Variants in AKAP6 observed in about 807,000 individuals in gnomAD.
The protein encoded by AKAP6 is A-kinase anchor protein 6.
Under a neutral mutation model 188.5 loss-of-function variants are expected in AKAP6, and 58 were observed. That is an observed-to-expected ratio of 0.31 (90% CI 0.25 to 0.38). The LOEUF (loss-of-function observed/expected upper bound fraction) is 0.38. Ranked by LOEUF, AKAP6 falls within the 10% of genes least tolerant of loss-of-function variation. The pLI is 1.00. For synonymous variants in AKAP6, 989 were observed against 998.6 expected, an observed-to-expected ratio of 0.99 and a Z score of 0.18; for missense variants, 2,710 against 2,740.0, an observed-to-expected ratio of 0.99 and a Z score of 0.24.
At chr14:32,751,544 T>G (rs935340144) in intron 11 of AKAP6, among the ~76,000 whole-genome samples, 4 of 150,524 alleles carry the variant, frequency 2.7e-5, no homozygotes, top group Non-Finnish European at 4.4e-5. Context: ...CCTAAATGAT[T>G]TTGAAAATCC....
intron 4 of AKAP6, among the ~76,000 whole-genome samples, chr14:32,559,287 G>A (rs914764306): frequency 1.3e-5 from 2 of 152,128 alleles, no homozygotes; most frequent in Non-Finnish European, 2.9e-5. Flanking sequence ...TGGAAGATAT[G>A]TGACATGTCT....
At chr14:32,656,361 A>G (rs2139554561) in intron 7 of AKAP6, among the ~76,000 whole-genome samples, 1 of 152,306 alleles carries the variant, frequency 6.6e-6, no homozygotes, top group East Asian at 1.9e-4. Flanking sequence ...GAGATTAGGT[A>G]CAGAGTATTT....
chr14:32,389,432 T>G (rs1311243717), intron 1 of AKAP6, among the ~76,000 whole-genome samples: 2 of 152,092 alleles, frequency 1.3e-5, no homozygotes, highest in African/African-American at 2.4e-5. Context: ...TATTTTTGTT[T>G]TATAGGTCCT....
chr14:32,786,040 A>G (rs2033390245), intron 12 of AKAP6, among the ~76,000 whole-genome samples: 1 of 152,134 alleles, frequency 6.6e-6, no homozygotes, highest in Admixed American at 6.6e-5. Flanking sequence ...TTCTGGGGTC[A>G]TTTCTAACAA....
rs143376017 is a variant in AKAP6 at position 32,586,561 on chromosome 14, A to G, written c.2469+9319A>G. On this transcript the variant is annotated intron_variant, in intron 5 of 13. Transcript: ENST00000280979. The stretch of plus-strand genomic sequence containing the variant: ...AGAATTTCTTGAACCCGGAAGGCAG[A>G]GGTTGCAGAGGTTGAGCTGAGATTG... Among the ~76,000 whole-genome samples, 3 of 152,286 alleles carry G rather than the reference A, an allele frequency of 2.0e-5. No individual in the cohort carries two copies. In the East Asian group the frequency reaches 5.8e-4, roughly 29 times the overall value.
chr14:32,821,793 A>G lies in AKAP6; in HGVS notation c.3980A>G (p.Asp1327Gly). ...PNVLTKSLSK[D>G]SSFSSTKSLP... Reference sequence around the variant, plus strand: ...GTTTTAACTAAGAGTCTCAGTAAAGACTCTTCATTTTCATCTACCAAATCT... The same window carrying G: ...GTTTTAACTAAGAGTCTCAGTAAAGGCTCTTCATTTTCATCTACCAAATCT... Residue 1327 changes from aspartate to glycine, a missense_variant, in exon 13 of 14, where the codon GAC becomes GGC. Transcript: ENST00000280979. The G allele has an allele frequency of 2.5e-6, 4 of 1,613,428 alleles. No individual in the cohort carries two copies. The highest frequency in any genetic ancestry group is 2.5e-6 in the Non-Finnish European group (3 of 1,179,830).
chr14:32,522,492 G>T (rs1472844613), intron 2 of AKAP6, among the ~76,000 whole-genome samples: 1 of 151,880 alleles, frequency 6.6e-6, no homozygotes, highest in Non-Finnish European at 1.5e-5. Context: ...AAACTTACAA[G>T]AAAAAATCAA....
intron 1 of AKAP6, among the ~76,000 whole-genome samples, chr14:32,428,157 A>G (rs1594603266): frequency 6.6e-6 from 1 of 152,056 alleles, no homozygotes; most frequent in East Asian, 1.9e-4. Flanking sequence ...CTGCTTTAAG[A>G]TTGCTGGGGT....
Position 32,837,447 on chromosome 14 carries a change from C to A in AKAP6, c.*7642C>A, listed in dbSNP as rs999764110. On this transcript the variant is annotated 3_prime_UTR_variant, in exon 14 of 14. Coordinates refer to ENST00000280979, the MANE Select transcript of AKAP6 (RefSeq NM_004274.5). ...GGAACATAAAAATGCATAAGATCCT[C>A]TTTTAAATCCCAATATTCCCTAACC... 3 of 152,150 alleles carry A rather than the reference C, an allele frequency of 2.0e-5. No individual in the cohort carries two copies. The highest frequency in any genetic ancestry group is 4.4e-5 in the Non-Finnish European group (3 of 68,016). 9.4% of individuals were successfully genotyped at this position (152,150 alleles called of 1,614,324 possible). A position where few individuals can be genotyped will look rare whatever the true frequency, so the allele number is the denominator to read the frequency against.
At chr14:32,510,049 TG>T (rs1180462812) in intron 2 of AKAP6, among the ~76,000 whole-genome samples, 6 of 152,068 alleles carry the variant, frequency 3.9e-5, no homozygotes, top group African/African-American at 7.2e-5. Flanking sequence ...GGCCAGTTGA[TG>T]GGCAAGGACT....
At chr14:32,346,918 A>C (rs187610103) in intron 1 of AKAP6, among the ~76,000 whole-genome samples, 26 of 152,222 alleles carry the variant, frequency 1.7e-4, no homozygotes, top group African/African-American at 6.3e-4. Flanking sequence ...TACTTCTTCT[A>C]TAGGCTTGAT....
Position 32,823,377 on chromosome 14 carries a change from G to A in AKAP6, c.5564G>A (p.Arg1855His), listed in dbSNP as rs1050582204. 11 of 1,613,616 alleles carry A rather than the reference G, an allele frequency of 6.8e-6. No homozygotes were observed. The South Asian group carries it at 8.8e-5, about 13-fold the overall frequency. The part of the protein sequence containing the change: ...IETLLNGSVK[R>H]VSENNGNGKN... ...ACCCTTCTAAATGGCTCTGTAAAAC[G>A]TGTCTCTGAAAATAATGGAAATGGT... The change falls in exon 13 of 14, where the codon CGT (arginine) becomes CAT (histidine). Residue 1855 changes from arginine to histidine, a missense_variant. By Grantham distance (29) the Arg-to-His change is conservative. This residue lies in a region of AKAP6 where 2,473 missense variants were observed against 2,426.1 expected (regional missense o/e 1.02). Coordinates refer to ENST00000280979, the MANE Select transcript of AKAP6 (RefSeq NM_004274.5).
intron 2 of AKAP6, among the ~76,000 whole-genome samples, chr14:32,493,589 T>C (rs897607584): frequency 1.3e-5 from 2 of 152,168 alleles, no homozygotes; most frequent in South Asian, 2.1e-4. Context: ...AGTTTTATAA[T>C]GTATTTTATA....
chr14:32,666,945 A>G (rs1888967634), intron 7 of AKAP6, among the ~76,000 whole-genome samples: 2 of 152,028 alleles, frequency 1.3e-5, no homozygotes, highest in South Asian at 4.1e-4. Context: ...TTTTAATGTC[A>G]TTTGTCTATA....
chr14:32,553,033 A>G lies in AKAP6; in HGVS notation c.2346+6034A>G, dbSNP rs184992670. On this transcript the variant is annotated intron_variant, in intron 4 of 13. Transcript: ENST00000280979. ...CACATAGAAGCCCAGTAACTGCAAG[A>G]GAGTGTGGGGCTGTGATAGAATCTC... Among the ~76,000 whole-genome samples the G allele has an allele frequency of 8.5e-5, 13 of 152,324 alleles. No homozygotes were observed. The East Asian group carries it at 2.5e-3, about 29-fold the overall frequency.
intron 13 of AKAP6, among the ~76,000 whole-genome samples, chr14:32,827,994 G>T (rs1334543656): frequency 6.6e-6 from 1 of 151,996 alleles, no homozygotes; most frequent in Non-Finnish European, 1.5e-5. Flanking sequence ...TGTTTTGGGG[G>T]GTGGGTTGAG....
At chr14:32,376,311 C>G (rs1311073903) in intron 1 of AKAP6, among the ~76,000 whole-genome samples, 1 of 152,154 alleles carries the variant, frequency 6.6e-6, no homozygotes. Flanking sequence ...TTTTACTTTT[C>G]CTTAGTTGCT....
At chr14:32,469,821 T>G (rs1035100773) in intron 2 of AKAP6, among the ~76,000 whole-genome samples, 4 of 152,080 alleles carry the variant, frequency 2.6e-5, no homozygotes, top group Non-Finnish European at 4.4e-5. Flanking sequence ...GTTTCCAAAA[T>G]GAAAGATTAT....
At chr14:32,584,296 C>G (rs1351277505) in intron 5 of AKAP6, among the ~76,000 whole-genome samples, 3 of 152,204 alleles carry the variant, frequency 2.0e-5, no homozygotes, top group African/African-American at 7.2e-5. Flanking sequence ...GTAGCATATA[C>G]AGCATAGAGA....
Sources: gnomAD v4.1 joint callset for allele counts (sites outside exome capture counted in the v4.1 genomes callset) on GRCh38, gnomAD v4.1.1 for gene constraint, gnomAD v4.1.1 regional missense constraint, MANE v1.5 for transcripts, NCBI Gene and HGNC (gene_info 2026-07-23, HGNC 2026-07-21) for gene names.